Variants in NGEF observed in about 807,000 individuals in gnomAD.
NGEF encodes the protein ephexin-1.
In NGEF, 31 loss-of-function variants were observed where a neutral mutation model predicts 80.9. That is an observed-to-expected ratio of 0.38 (90% CI 0.29 to 0.52). The LOEUF (loss-of-function observed/expected upper bound fraction) is 0.52, where lower values mean the gene tolerates loss of function less well. Ranked by LOEUF, NGEF falls within the 20% of genes least tolerant of loss-of-function variation. The pLI is 0.84. For synonymous variants in NGEF, 371 were observed against 370.2 expected, an observed-to-expected ratio of 1.00 and a Z score of -0.03; for missense variants, 709 against 926.2, an observed-to-expected ratio of 0.77 and a Z score of 3.04.
chr2:233,012,903 G>T (rs762005354), intron 1 of NGEF, 165 bp downstream of exon 1: 5 of 470,926 alleles, frequency 1.1e-5, no homozygotes, highest in South Asian at 7.7e-5. Flanking sequence ...GACCAGACAG[G>T]ATCCCTCGGG....
At chr2:232,958,945 A>G (rs895729738) in intron 3 of NGEF, among the ~76,000 whole-genome samples, 5 of 152,120 alleles carry the variant, frequency 3.3e-5, no homozygotes, top group African/African-American at 9.7e-5. Context: ...CATCCAAAAT[A>G]TTTCAGACTG....
chr2:232,997,930 C>T (rs767348519), intron 1 of NGEF, among the ~76,000 whole-genome samples: 7 of 152,186 alleles, frequency 4.6e-5, no homozygotes, highest in Non-Finnish European at 8.8e-5. Context: ...TGGCAAGCTT[C>T]GCTACAAGTC....
intron 3 of NGEF, among the ~76,000 whole-genome samples, chr2:232,945,317 G>A (rs1693535650): frequency 6.6e-6 from 1 of 152,104 alleles, no homozygotes; most frequent in South Asian, 2.1e-4. Flanking sequence ...AGTTGGTGTT[G>A]TGGGTTGTGT....
chr2:232,911,739 CCTAA>C (rs1692695057), intron 5 of NGEF, among the ~76,000 whole-genome samples: 1 of 152,128 alleles, frequency 6.6e-6, no homozygotes, highest in Non-Finnish European at 1.5e-5. Context: ...TAGATTTATA[CCTAA>C]CTATTTCATT....
chr2:233,004,243 G>A (rs991213722), intron 1 of NGEF, among the ~76,000 whole-genome samples: 13 of 152,042 alleles, frequency 8.6e-5, no homozygotes, highest in Middle Eastern at 3.2e-3. Context: ...GCACCTGTCC[G>A]GCTTCTCCCA....
intron 1 of NGEF, among the ~76,000 whole-genome samples, chr2:233,010,786 G>A (rs989943274): frequency 6.6e-6 from 1 of 152,150 alleles, no homozygotes; most frequent in African/African-American, 2.4e-5. Flanking sequence ...GCCAAACAAA[G>A]GGAGGAGGAG....
At chr2:232,881,024 G>T in intron 14 of NGEF, 122 bp downstream of exon 14, 2 of 742,690 alleles carry the variant, frequency 2.7e-6, no homozygotes, top group Admixed American at 4.1e-5. Flanking sequence ...GTCTCAGGGA[G>T]CAAGAGACAT....
intron 8 of NGEF, chr2:232,890,953 T>G (rs1691863386): frequency 2.1e-6 from 1 of 472,616 alleles, no homozygotes; most frequent in Non-Finnish European, 4.4e-6. Context: ...TTGGGGCCTT[T>G]GCACAAGCGG....
intron 1 of NGEF, among the ~76,000 whole-genome samples, chr2:233,001,605 G>T (rs1356739321): frequency 6.6e-6 from 1 of 152,218 alleles, no homozygotes; most frequent in Admixed American, 6.5e-5. Context: ...GGGCCATGGG[G>T]CAGAAAGGCC....
chr2:232,919,023 T>C (rs1007656344), intron 5 of NGEF, among the ~76,000 whole-genome samples: 1 of 152,236 alleles, frequency 6.6e-6, no homozygotes, highest in Non-Finnish European at 1.5e-5. Flanking sequence ...TGTCAAAGTC[T>C]AAACATTTTC....
chr2:233,006,050 C>A (rs1695077820), intron 1 of NGEF, among the ~76,000 whole-genome samples: 1 of 152,178 alleles, frequency 6.6e-6, no homozygotes, highest in South Asian at 2.1e-4. Context: ...CTCTTGACCT[C>A]AAGTGATCCG....
chr2:232,912,839 G>A (rs2106268129), intron 5 of NGEF, among the ~76,000 whole-genome samples: 1 of 151,954 alleles, frequency 6.6e-6, no homozygotes, highest in African/African-American at 2.4e-5. Context: ...AATGTCTCTA[G>A]GATTCATCAT....
At chr2:232,944,540 T>G (rs1693510378) in intron 3 of NGEF, among the ~76,000 whole-genome samples, 1 of 151,542 alleles carries the variant, frequency 6.6e-6, no homozygotes, top group South Asian at 2.1e-4. Flanking sequence ...CCAAATTCAG[T>G]GAGAGAAGCC....
At chr2:232,927,653 G>T (rs1693104746) in intron 3 of NGEF, among the ~76,000 whole-genome samples, 1 of 152,076 alleles carries the variant, frequency 6.6e-6, no homozygotes, top group African/African-American at 2.4e-5. Context: ...CGCCCAGGAC[G>T]AGGGCGCTGG....
chr2:232,956,128 G>C (rs1693824304), intron 3 of NGEF, among the ~76,000 whole-genome samples: 1 of 152,176 alleles, frequency 6.6e-6, no homozygotes, highest in South Asian at 2.1e-4. Flanking sequence ...GGTAATTGAG[G>C]CTTGAGGAGA....
intron 1 of NGEF, among the ~76,000 whole-genome samples, chr2:232,994,074 T>C (rs1241986212): frequency 6.6e-6 from 1 of 152,130 alleles, no homozygotes; most frequent in Non-Finnish European, 1.5e-5. Context: ...TTTATCCCAA[T>C]AAAATTGATA....
At chr2:232,882,719 G>A (rs906879457) in intron 12 of NGEF, among the ~76,000 whole-genome samples, 3 of 152,180 alleles carry the variant, frequency 2.0e-5, no homozygotes, top group Non-Finnish European at 2.9e-5. Context: ...GGGCCACGAC[G>A]GGAGGAGGGC....
At chr2:232,967,862 A>G (rs1694098070) in intron 3 of NGEF, among the ~76,000 whole-genome samples, 1 of 152,166 alleles carries the variant, frequency 6.6e-6, no homozygotes, top group Admixed American at 6.6e-5. Context: ...GTTTCCCTGT[A>G]GCCATCCAGG....
In NGEF at chr2:232,952,109, C is replaced by T. The variant is rs138522933; in HGVS notation, c.383+18105G>A. ...CGTCTTAGCAGGGCTCTGTTGGAGACGGGGTGAGGGTCATGCCTCAGGCAG... is the reference window on the plus strand; with the variant it reads ...CGTCTTAGCAGGGCTCTGTTGGAGATGGGGTGAGGGTCATGCCTCAGGCAG... On this transcript the variant is annotated intron_variant, in intron 3 of 14. Coordinates refer to ENST00000264051, the MANE Select transcript of NGEF (RefSeq NM_019850.3). 2.3e-3 allele frequency among the ~76,000 whole-genome samples: 355 copies of T among 152,300 alleles called. 4 individuals are homozygous for T. The highest frequency in any genetic ancestry group is 8.0e-3 in the African/African-American group (333 of 41,552).
Sources: allele counts gnomAD v4.1 joint callset (sites outside exome capture counted in the v4.1 genomes callset), GRCh38; gene constraint gnomAD v4.1.1; transcripts MANE v1.5; gene names NCBI Gene and HGNC (gene_info 2026-07-23, HGNC 2026-07-21).